The following LRRTM4 variants were observed in gnomAD, a reference collection of about 807,000 sequenced individuals.
LRRTM4 encodes leucine rich repeat transmembrane neuronal 4.
In LRRTM4, 25 loss-of-function variants were observed where a neutral mutation model predicts 47.6. The observed-to-expected ratio is 0.53, with a 90% CI of 0.38 to 0.73. The LOEUF is 0.73. Ranked by LOEUF, LRRTM4 falls within the 30% of genes least tolerant of loss-of-function variation. The pLI is 0.00. For missense variants in LRRTM4, 638 were observed against 713.4 expected, an observed-to-expected ratio of 0.89 and a Z score of 1.20; for synonymous variants, 311 against 269.5, an observed-to-expected ratio of 1.15 and a Z score of -1.51.
chr2:76,836,674 AG>A (rs1558684686), intron 3 of LRRTM4, among the ~76,000 whole-genome samples: 1 of 152,126 alleles, frequency 6.6e-6, no homozygotes, highest in Non-Finnish European at 1.5e-5. Flanking sequence ...GAGGGAATAA[AG>A]GTTCAGAGAT....
At chr2:77,365,010 G>A (rs961834014) in intron 3 of LRRTM4, among the ~76,000 whole-genome samples, 5 of 151,902 alleles carry the variant, frequency 3.3e-5, no homozygotes. Context: ...AACTCTTTCA[G>A]TGCCCAAACC....
chr2:77,189,653 T>C (rs926782563), intron 3 of LRRTM4, among the ~76,000 whole-genome samples: 1 of 152,136 alleles, frequency 6.6e-6, no homozygotes, highest in African/African-American at 2.4e-5. Context: ...ACACTTCCAG[T>C]CTTCAGAACT....
At chr2:76,841,185 A>C (rs1036965785) in intron 3 of LRRTM4, among the ~76,000 whole-genome samples, 6 of 151,648 alleles carry the variant, frequency 4.0e-5, no homozygotes, top group African/African-American at 1.2e-4. Context: ...ACAAAAAACC[A>C]AACACTGCAT....
chr2:76,901,992 G>T (rs758075782), intron 3 of LRRTM4, among the ~76,000 whole-genome samples: 2 of 151,944 alleles, frequency 1.3e-5, no homozygotes, highest in Non-Finnish European at 2.9e-5. Context: ...TGCCTCTTTG[G>T]GGTATCATTA....
At chr2:77,021,395 T>C (rs1678264497) in intron 3 of LRRTM4, among the ~76,000 whole-genome samples, 2 of 151,768 alleles carry the variant, frequency 1.3e-5, no homozygotes, top group African/African-American at 4.8e-5. Context: ...CTGCAATGAC[T>C]CACTTCTGTC....
intron 3 of LRRTM4, among the ~76,000 whole-genome samples, chr2:77,076,431 C>T (rs1173795899): frequency 6.6e-6 from 1 of 151,906 alleles, no homozygotes; most frequent in East Asian, 1.9e-4. Context: ...CCCGTTACTC[C>T]CCTAATGCTT....
chr2:77,359,760 G>A (rs1173360890), intron 3 of LRRTM4, among the ~76,000 whole-genome samples: 1 of 152,092 alleles, frequency 6.6e-6, no homozygotes, highest in African/African-American at 2.4e-5. Context: ...AATAGATGTG[G>A]ACAGTCATAC....
At chr2:76,880,994 C>T (rs959399659) in intron 3 of LRRTM4, among the ~76,000 whole-genome samples, 8 of 152,104 alleles carry the variant, frequency 5.3e-5, no homozygotes, top group East Asian at 1.9e-4. Context: ...AATCAAATTA[C>T]AGTTAGATAG....
At chr2:77,427,949 C>T (rs778587583) in intron 3 of LRRTM4, among the ~76,000 whole-genome samples, 25 of 152,106 alleles carry the variant, frequency 1.6e-4, no homozygotes, top group Non-Finnish European at 2.8e-4. Flanking sequence ...TTGTAGTTCC[C>T]ATAACTTTCA....
At chr2:76,867,810 T>A (rs1257688657) in intron 3 of LRRTM4, among the ~76,000 whole-genome samples, 1 of 152,198 alleles carries the variant, frequency 6.6e-6, no homozygotes. Flanking sequence ...TTCTATCAGG[T>A]ACACCCTTTC....
At chr2:77,318,936 C>G (rs754443895) in intron 3 of LRRTM4, among the ~76,000 whole-genome samples, 2 of 151,532 alleles carry the variant, frequency 1.3e-5, no homozygotes, top group African/African-American at 2.4e-5. Flanking sequence ...CCTCTGTATA[C>G]TTAGGGTGCA....
At chr2:77,387,628 C>T (rs981579526) in intron 3 of LRRTM4, among the ~76,000 whole-genome samples, 3 of 152,112 alleles carry the variant, frequency 2.0e-5, no homozygotes, top group Admixed American at 2.0e-4. Flanking sequence ...TGCCTGGACC[C>T]TTCATGTGTC....
At chr2:76,940,919 C>T (rs1242708098) in intron 3 of LRRTM4, among the ~76,000 whole-genome samples, 1 of 152,286 alleles carries the variant, frequency 6.6e-6, no homozygotes, top group Admixed American at 6.5e-5. Flanking sequence ...AGCAAGTGAA[C>T]ATTTGCTGAC....
chr2:77,486,235 T>C (rs1221953660), intron 3 of LRRTM4, among the ~76,000 whole-genome samples: 1 of 152,226 alleles, frequency 6.6e-6, no homozygotes. Context: ...GGGGTGGCAG[T>C]TGTTCTAATG....
chr2:76,908,265 C>G (rs1047971826), intron 3 of LRRTM4, among the ~76,000 whole-genome samples: 4 of 151,982 alleles, frequency 2.6e-5, no homozygotes, highest in Non-Finnish European at 1.5e-5. Context: ...TCAATAGATG[C>G]AGAAAAGGCC....
intron 3 of LRRTM4, among the ~76,000 whole-genome samples, chr2:77,158,759 T>C (rs1672627537): frequency 6.6e-6 from 1 of 152,106 alleles, no homozygotes. Context: ...TCCCTGCTTG[T>C]CTTTTAGTAA....
intron 3 of LRRTM4, among the ~76,000 whole-genome samples, chr2:77,346,670 G>A (rs1286825119): frequency 3.3e-5 from 5 of 152,064 alleles, no homozygotes; most frequent in Admixed American, 6.5e-5. Flanking sequence ...AAAATGTAGC[G>A]ATGAGGTTTT....
chr2:76,909,468 G>A (rs1463354812), intron 3 of LRRTM4, among the ~76,000 whole-genome samples: 1 of 151,778 alleles, frequency 6.6e-6, no homozygotes, highest in East Asian at 1.9e-4. Context: ...CAAAAGCAAT[G>A]GCAACAAAAG....
chr2:76,829,408 G>C (rs923032372), intron 3 of LRRTM4, among the ~76,000 whole-genome samples: 1 of 151,754 alleles, frequency 6.6e-6, no homozygotes, highest in African/African-American at 2.4e-5. Context: ...CTAAGGATTC[G>C]GTTTAATCCT....
Sources: gnomAD v4.1 joint callset for allele counts (sites outside exome capture counted in the v4.1 genomes callset) on GRCh38, gnomAD v4.1.1 for gene constraint, MANE v1.5 for transcripts, NCBI Gene and HGNC (gene_info 2026-07-23, HGNC 2026-07-21) for gene names.